The following LRRC4C variants were observed in gnomAD, a reference collection of about 807,000 sequenced individuals.
LRRC4C encodes the protein leucine rich repeat containing 4C, also known as leucine-rich repeat-containing protein 4C.
In LRRC4C, 5 loss-of-function variants were observed where a neutral mutation model predicts 33.6. The observed-to-expected ratio is 0.15, with a 90% CI of 0.08 to 0.31. The LOEUF (loss-of-function observed/expected upper bound fraction) is 0.31, where lower values mean the gene tolerates loss of function less well. Ranked by LOEUF, LRRC4C falls within the 10% of genes least tolerant of loss-of-function variation. The probability of loss-of-function intolerance (pLI) is 1.00; values close to 1 mark genes in which losing one functional copy is unlikely to be tolerated. For missense variants in LRRC4C, 560 were observed against 796.7 expected (o/e 0.70, Z 3.58); for synonymous variants, 329 against 302.0 (o/e 1.09, Z -0.93).
At chr11:40,973,546 G>A (rs1851880932) in intron 1 of LRRC4C, among the ~76,000 whole-genome samples, 1 of 152,092 alleles carries the variant, frequency 6.6e-6, no homozygotes. Context: ...TGTGGAGAGG[G>A]AGAAAAGCCA....
At chr11:41,093,784 C>A (rs1025372802) in intron 1 of LRRC4C, among the ~76,000 whole-genome samples, 1 of 151,844 alleles carries the variant, frequency 6.6e-6, no homozygotes, top group Non-Finnish European at 1.5e-5. Context: ...TTTCCACAAC[C>A]TTTGGGGATA....
At chr11:40,471,309 A>C (rs1241637553) in intron 3 of LRRC4C, among the ~76,000 whole-genome samples, 2 of 152,186 alleles carry the variant, frequency 1.3e-5, no homozygotes, top group African/African-American at 4.8e-5. Context: ...AAGGAGAAAT[A>C]AAGTCCTTTA....
At chr11:40,832,439 A>G (rs1181101855) in intron 2 of LRRC4C, among the ~76,000 whole-genome samples, 3 of 152,190 alleles carry the variant, frequency 2.0e-5, no homozygotes, top group Admixed American at 6.6e-5. Flanking sequence ...TGATCTAGAT[A>G]TTGGAGATAT....
intron 1 of LRRC4C, among the ~76,000 whole-genome samples, chr11:41,398,460 T>C (rs979526507): frequency 3.3e-5 from 5 of 151,982 alleles, no homozygotes; most frequent in South Asian, 2.1e-4. Context: ...TTTTTAAAGA[T>C]GGAAATCCCT....
chr11:40,857,004 CTG>C (rs1173942332), intron 2 of LRRC4C, among the ~76,000 whole-genome samples: 39 of 152,276 alleles, frequency 2.6e-4, no homozygotes, highest in Admixed American at 2.6e-3. Context: ...TCAAATCAAA[CTG>C]TTCATTTTAT....
chr11:40,564,683 TCAGTGTTA>T (rs1957682887), intron 3 of LRRC4C, among the ~76,000 whole-genome samples: 1 of 152,188 alleles, frequency 6.6e-6, no homozygotes, highest in Non-Finnish European at 1.5e-5. Context: ...TCACACTTTC[TCAGTGTTA>T]CATTCTTCCA....
chr11:40,794,651 T>C (rs1450548433), intron 2 of LRRC4C, among the ~76,000 whole-genome samples: 2 of 152,194 alleles, frequency 1.3e-5, no homozygotes, highest in Non-Finnish European at 2.9e-5. Context: ...TACTACTTTC[T>C]AAAGGGCCTT....
At chr11:40,380,866 A>T (rs950529564) in intron 3 of LRRC4C, among the ~76,000 whole-genome samples, 1 of 152,240 alleles carries the variant, frequency 6.6e-6, no homozygotes, top group Non-Finnish European at 1.5e-5. Flanking sequence ...GTGTTCACAC[A>T]CACATAATTA....
intron 3 of LRRC4C, among the ~76,000 whole-genome samples, chr11:40,361,668 A>G (rs961323917): frequency 6.6e-6 from 1 of 152,224 alleles, no homozygotes; most frequent in Non-Finnish European, 1.5e-5. Context: ...TAAAATGGCC[A>G]TACTGCCCAA....
chr11:41,204,062 G>T (rs1305516499), intron 1 of LRRC4C, among the ~76,000 whole-genome samples: 2 of 151,980 alleles, frequency 1.3e-5, no homozygotes, highest in Admixed American at 6.6e-5. Flanking sequence ...ACTAAAATAG[G>T]TCCTCTTGAA....
chr11:40,176,720 T>C (rs79829208), intron 5 of LRRC4C, among the ~76,000 whole-genome samples: 5,392 of 152,026 alleles, frequency 0.035, 324 homozygotes, highest in African/African-American at 0.12. Context: ...ATTTTACTTT[T>C]TGTAGAAATT....
At chr11:40,643,504 T>C (rs1309283032) in intron 3 of LRRC4C, among the ~76,000 whole-genome samples, 3 of 152,014 alleles carry the variant, frequency 2.0e-5, no homozygotes, top group Admixed American at 2.0e-4. Context: ...GGAGATAACA[T>C]AGGGATCCTG....
intron 2 of LRRC4C, among the ~76,000 whole-genome samples, chr11:40,794,373 C>CAAAAAAAAAAAA: frequency 1.3e-5 from 1 of 77,216 alleles, no homozygotes; most frequent in East Asian, 4.7e-4. Flanking sequence ...TAAACGCCAG[C>CAAAAAAAAAAAA]AAAAAAAAAA....
chr11:41,246,013 C>A (rs1948437399), intron 1 of LRRC4C, among the ~76,000 whole-genome samples: 2 of 152,226 alleles, frequency 1.3e-5, no homozygotes, highest in South Asian at 4.1e-4. Context: ...TCACTCGGGT[C>A]CACAGAACTG....
intron 3 of LRRC4C, among the ~76,000 whole-genome samples, chr11:40,544,748 T>C (rs1956850730): frequency 1.3e-5 from 2 of 152,150 alleles, no homozygotes; most frequent in South Asian, 4.1e-4. Flanking sequence ...TTTTAAGATA[T>C]GATTTCCATG....
intron 3 of LRRC4C, among the ~76,000 whole-genome samples, chr11:40,505,417 T>A (rs1954984785): frequency 6.6e-6 from 1 of 152,200 alleles, no homozygotes; most frequent in South Asian, 2.1e-4. Context: ...TCTGCTCAGG[T>A]CTTACTTTTC....
intron 3 of LRRC4C, among the ~76,000 whole-genome samples, chr11:40,416,978 T>C (rs1950345809): frequency 6.6e-6 from 1 of 152,232 alleles, no homozygotes; most frequent in Non-Finnish European, 1.5e-5. Flanking sequence ...TTGAATGGAT[T>C]ATGGAATGTT....
At chr11:41,279,381 A>AACACACACACACACACAC (rs575973002) in intron 1 of LRRC4C, among the ~76,000 whole-genome samples, 2 of 126,382 alleles carry the variant, frequency 1.6e-5, no homozygotes, top group Non-Finnish European at 3.3e-5. Context: ...CACACACACA[A>AACACACACACACACACAC]ACACACACAC....
intron 1 of LRRC4C, among the ~76,000 whole-genome samples, chr11:41,209,151 C>T (rs11036290): frequency 0.074 from 11,181 of 151,186 alleles, 474 homozygotes; most frequent in East Asian, 0.16. Context: ...CGCTGAGTCA[C>T]AAGTTTACCT....
Sources: allele counts gnomAD v4.1 joint callset (sites outside exome capture counted in the v4.1 genomes callset), GRCh38; gene constraint gnomAD v4.1.1; transcripts MANE v1.5; gene names NCBI Gene and HGNC (gene_info 2026-07-23, HGNC 2026-07-21).